The following RBMXL1 variants were observed in gnomAD, a reference collection of about 807,000 sequenced individuals.
RBMXL1 encodes the protein RBMX like 1, also known as RNA binding motif protein, X-linked-like-1.
Under a neutral mutation model 29.0 loss-of-function variants are expected in RBMXL1, and 18 were observed. The ratio of observed to expected loss-of-function variants is 0.62; its 90% CI spans 0.43 to 0.92. The LOEUF (loss-of-function observed/expected upper bound fraction) is 0.92. RBMXL1 is among the 40% of genes least tolerant of loss of function. The pLI, the probability that RBMXL1 is intolerant of heterozygous loss-of-function variation, is 0.00. For synonymous variants in RBMXL1, 141 were observed against 170.4 expected (o/e 0.83, Z 1.34); for missense variants, 403 against 495.8 (o/e 0.81, Z 1.78).
intron 2 of RBMXL1, among the ~76,000 whole-genome samples, chr1:88,985,859 T>C (rs1677419230): frequency 6.6e-6 from 1 of 152,184 alleles, no homozygotes; most frequent in African/African-American, 2.4e-5. Flanking sequence ...ATGGACTAAA[T>C]GTACAAAAGG....
intron 1 of RBMXL1, among the ~76,000 whole-genome samples, chr1:88,992,005 G>GTT (rs1489613399): frequency 7.0e-6 from 1 of 143,426 alleles, no homozygotes; most frequent in Non-Finnish European, 1.5e-5. Flanking sequence ...TTGAGACGGA[G>GTT]TCTTGCTCTG....
intron 2 of RBMXL1, among the ~76,000 whole-genome samples, chr1:88,987,251 T>C (rs1677516037): frequency 1.3e-5 from 2 of 152,172 alleles, no homozygotes; most frequent in Admixed American, 6.5e-5. Context: ...AGTGCCATGG[T>C]TTCATATGTT....
rs1456154574 is a variant in RBMXL1 at position 88,979,568 on chromosome 1, T to C, written c.*3086A>G. On this transcript the variant is annotated 3_prime_UTR_variant, in exon 3 of 3. Transcript: ENST00000652648. ...TTTGACAGCCACTTCACAGAAAATA[T>C]ACAACTGGCCAAAAAGTACCTTAAA... is the stretch of plus-strand genomic sequence containing the variant. 1 of 152,066 alleles carries C rather than the reference T, an allele frequency of 6.6e-6. No individual in the cohort carries two copies. The highest frequency in any genetic ancestry group is 2.4e-5 in the African/African-American group (1 of 41,400). The allele number at this position is 152,066 out of a possible 1,614,324, so 9.4% of individuals were successfully genotyped here. A position where few individuals can be genotyped will look rare whatever the true frequency, so the allele number is the denominator to read the frequency against.
chr1:88,983,482 T>C lies in RBMXL1; in HGVS notation c.345A>G (p.Gly115=), dbSNP rs1336958328. The C allele has an allele frequency of 3.7e-6, 6 of 1,614,124 alleles. No individual in the cohort carries two copies. The Middle Eastern group carries it at 9.9e-4, about 266-fold the overall frequency. The stretch of plus-strand genomic sequence containing the variant: ...AAGGAGGTCCCCTGGTTCCTCCACT[T>C]CCTCCTCTTCCAGCTCCAAAACCTC... ...PPRGFGAGRG[G]SGGTRGPPSR... The change falls in exon 3 of 3, where the codon GGA becomes GGG. Residue 115 remains glycine (G), a synonymous_variant. Transcript: ENST00000652648.
chr1:88,991,177 G>A (rs1677774053), intron 1 of RBMXL1, among the ~76,000 whole-genome samples: 1 of 152,198 alleles, frequency 6.6e-6, no homozygotes. Context: ...TTTGGGGGTG[G>A]CCCGAAGCTG....
Position 88,983,508 on chromosome 1 carries a change from T to C in RBMXL1, c.319A>G (p.Arg107Gly). Reference sequence around the variant, plus strand: ...CCTCCTCTTCCAGCTCCAAAACCTCTTGGAGGACCTCTACTTCTTGGAGGT... The same window carrying C: ...CCTCCTCTTCCAGCTCCAAAACCTCCTGGAGGACCTCTACTTCTTGGAGGT... The part of the protein sequence containing the change: ...PPPPRSRGPP[R>G]GFGAGRGGSG... The change falls in exon 3 of 3, where the codon AGA becomes GGA. Residue 107 changes from arginine to glycine, a missense_variant. Coordinates refer to ENST00000652648, the MANE Select transcript of RBMXL1 (RefSeq NM_001162536.3). 3.1e-6 allele frequency: 5 copies of C among 1,613,668 alleles called. No individual in the cohort carries two copies. Among genetic ancestry groups the C allele is most frequent in the Non-Finnish European group, 4.2e-6 (5 of 1,179,894 alleles).
In RBMXL1 at chr1:88,980,382, C is replaced by G. The variant is rs1186437010; in HGVS notation, c.*2272G>C. The G allele has an allele frequency of 6.6e-6, 1 of 152,410 alleles. No individual in the cohort carries two copies. 9.4% of individuals were successfully genotyped at this position (152,410 alleles called of 1,614,324 possible). ...TTCTCCCTCTGGACCAAGCACCCGC[C>G]CAAGCAAGCCAACTTTAACAAAATT... On this transcript the variant is annotated 3_prime_UTR_variant, in exon 3 of 3. Transcript: ENST00000652648.
At chr1:88,985,027 C>T (rs947074922) in intron 2 of RBMXL1, among the ~76,000 whole-genome samples, 3 of 152,140 alleles carry the variant, frequency 2.0e-5, no homozygotes, top group Non-Finnish European at 4.4e-5. Context: ...TAACCTTTTT[C>T]TGAAAATTAT....
chr1:88,990,997 GA>G (rs1176238059), intron 1 of RBMXL1, among the ~76,000 whole-genome samples: 1 of 152,120 alleles, frequency 6.6e-6, no homozygotes, highest in Non-Finnish European at 1.5e-5. Flanking sequence ...CAATTTCTGT[GA>G]AGAAAACCTG....
At position 88,982,261 on chromosome 1, in the gene RBMXL1, T is replaced by A. The variant is rs1242336213; in HGVS notation, c.*393A>T. On this transcript the variant is annotated 3_prime_UTR_variant, in exon 3 of 3. Coordinates refer to ENST00000652648, the MANE Select transcript of RBMXL1 (RefSeq NM_001162536.3). ...ACCACCCTCTAATAGCTAGCTTGTT[T>A]GTATAGGCAGAATGATTCATCTCTC... The A allele has an allele frequency of 1.2e-5, 8 of 644,878 alleles. No individual in the cohort carries two copies. The highest frequency in any genetic ancestry group is 1.6e-5 in the Non-Finnish European group (8 of 506,554). The allele number at this position is 644,878 out of a possible 1,614,324, so 39.9% of individuals were successfully genotyped here. A position where few individuals can be genotyped will look rare whatever the true frequency, so the allele number is the denominator to read the frequency against.
rs1677064694 is a variant in RBMXL1, at chr1:88,981,103, G to T, written c.*1551C>A. 6.6e-6 allele frequency: 1 copy of T among 152,188 alleles called. No homozygotes were observed. The highest frequency in any genetic ancestry group is 1.5e-5 in the Non-Finnish European group (1 of 68,036). The allele number at this position is 152,188 out of a possible 1,614,324, so 9.4% of individuals were successfully genotyped here. On this transcript the variant is annotated 3_prime_UTR_variant, in exon 3 of 3. Coordinates refer to ENST00000652648, the MANE Select transcript of RBMXL1 (RefSeq NM_001162536.3). ...AAACTAAAACTTGTTTCCAAGACGGGGAGGTAAAGCAGGCTTATAAAACAA... is the reference window on the plus strand; with the variant it reads ...AAACTAAAACTTGTTTCCAAGACGGTGAGGTAAAGCAGGCTTATAAAACAA...
intron 1 of RBMXL1, among the ~76,000 whole-genome samples, chr1:88,992,181 T>C (rs926925167): frequency 6.6e-6 from 1 of 152,108 alleles, no homozygotes; most frequent in Non-Finnish European, 1.5e-5. Flanking sequence ...GGTTTCACCG[T>C]GTTAGCCAGG....
chr1:88,988,329 G>A lies in RBMXL1; in HGVS notation c.-318C>T. ...TTTGCTCTACCGCTAAGAGAGCAGA[G>A]GCTCCTCTGGGCCAAAAACATGCTA... On this transcript the variant is annotated 5_prime_UTR_variant, in exon 2 of 3. Coordinates refer to ENST00000652648, the MANE Select transcript of RBMXL1 (RefSeq NM_001162536.3). 3 of 1,611,292 alleles carry A rather than the reference G, an allele frequency of 1.9e-6. No individual in the cohort carries two copies. Among genetic ancestry groups the A allele is most frequent in the Non-Finnish European group, 2.5e-6 (3 of 1,178,674 alleles).
rs150380564 is a variant in RBMXL1, at chr1:88,990,110, C to A, written c.-340-1759G>T. On this transcript the variant is annotated intron_variant, in intron 1 of 2. Coordinates refer to ENST00000652648, the MANE Select transcript of RBMXL1 (RefSeq NM_001162536.3). Reference sequence around the variant, plus strand: ...TCTACTTTCCCAAATCTAAAAAATCCTTGTTTTTTCCTTCCCAGTATAATA... The same window carrying A: ...TCTACTTTCCCAAATCTAAAAAATCATTGTTTTTTCCTTCCCAGTATAATA... 5.5e-3 allele frequency among the ~76,000 whole-genome samples: 831 copies of A among 152,218 alleles called. 9 individuals are homozygous for A. Among genetic ancestry groups the A allele is most frequent in the African/African-American group, 0.019 (792 of 41,500 alleles).
chr1:88,981,808 A>T lies in RBMXL1; in HGVS notation c.*846T>A. 1 of 263,104 alleles carries T rather than the reference A, an allele frequency of 3.8e-6. No homozygotes were observed. Among genetic ancestry groups the T allele is most frequent in the Non-Finnish European group, 6.1e-6 (1 of 165,058 alleles). The allele number at this position is 263,104 out of a possible 1,614,324, so 16.3% of individuals were successfully genotyped here. ...TAAATCTGATGTGGAATGCTGATAG[A>T]TTCACTTTTTAGAAGTCATAAGCCT... On this transcript the variant is annotated 3_prime_UTR_variant, in exon 3 of 3. Transcript: ENST00000652648.
rs531480485 is a variant in RBMXL1 at position 88,989,299 on chromosome 1, AG to A, written c.-340-949del. On this transcript the variant is annotated intron_variant, in intron 1 of 2. Transcript: ENST00000652648. ...CAAGAAGGATAATACATCATGACCA[AG>A]GGGGGTTGGGTTTATATAAGAAACC... 1.6e-4 allele frequency among the ~76,000 whole-genome samples: 25 copies of A among 152,248 alleles called. No individual in the cohort carries two copies. In the South Asian group the frequency reaches 5.2e-3, roughly 32 times the overall value.
intron 1 of RBMXL1, among the ~76,000 whole-genome samples, chr1:88,988,737 A>G (rs750967706): frequency 5.3e-5 from 8 of 152,094 alleles, no homozygotes; most frequent in Non-Finnish European, 1.2e-4. Flanking sequence ...AATCCTCTGG[A>G]TAACAGTCAC....
intron 2 of RBMXL1, among the ~76,000 whole-genome samples, chr1:88,984,455 G>A (rs1213162465): frequency 6.6e-6 from 1 of 152,074 alleles, no homozygotes; most frequent in African/African-American, 2.4e-5. Context: ...CAAGTGATCC[G>A]CCTGCCTCGG....
At position 88,983,846 on chromosome 1, in the gene RBMXL1, T is replaced by C; in HGVS notation, c.-20A>G. On this transcript the variant is annotated 5_prime_UTR_variant, in exon 3 of 3. Coordinates refer to ENST00000652648, the MANE Select transcript of RBMXL1 (RefSeq NM_001162536.3). ...AACCATTTTTTTTTTTGCCGGTGAGTCGGAGGGGTGACAGTGGGTTCAAGC... is the reference window on the plus strand; with the variant it reads ...AACCATTTTTTTTTTTGCCGGTGAGCCGGAGGGGTGACAGTGGGTTCAAGC... 2.5e-6 allele frequency: 4 copies of C among 1,613,060 alleles called. No homozygotes were observed. Among genetic ancestry groups the C allele is most frequent in the Non-Finnish European group, 1.7e-6 (2 of 1,179,504 alleles).
Sources: allele counts gnomAD v4.1 joint callset (sites outside exome capture counted in the v4.1 genomes callset), GRCh38; gene constraint gnomAD v4.1.1; transcripts MANE v1.5; gene names NCBI Gene and HGNC (gene_info 2026-07-23, HGNC 2026-07-21).